SF3B1: variants seen among roughly 807,000 people sequenced by gnomAD.
SF3B1 encodes the protein splicing factor 3b subunit 1, also known as pre-mRNA processing 10.
SF3B1 carries 12 observed loss-of-function variants against 153.8 expected under a neutral mutation model. The ratio of observed to expected loss-of-function variants is 0.08; its 90% CI spans 0.05 to 0.13. The LOEUF (loss-of-function observed/expected upper bound fraction) is 0.13, where lower values mean the gene tolerates loss of function less well. SF3B1 is among the 10% of genes least tolerant of loss of function. The pLI is 1.00. For synonymous variants in SF3B1, 498 were observed against 525.2 expected (o/e 0.95, Z 0.71); for missense variants, 513 against 1,606.1 (o/e 0.32, Z 11.63).
At chr2:197,392,923 T>C (rs1445639700) in intron 24 of SF3B1, 49 bp downstream of exon 24, 2 of 1,038,948 alleles carry the variant, frequency 1.9e-6, no homozygotes, top group African/African-American at 2.3e-5. Flanking sequence ...ACTTAAAGTA[T>C]TATTTAAAAA....
rs759163162 is a variant in SF3B1 at position 197,416,711 on chromosome 2, C to T, written c.666+30G>A. 4 of 1,587,676 alleles carry T rather than the reference C, an allele frequency of 2.5e-6. No individual in the cohort carries two copies. The Admixed American group carries it at 5.6e-5, about 22-fold the overall frequency. On this transcript the variant is annotated intron_variant, in intron 6 of 24. Transcript: ENST00000335508. ...TCCATAACAGAAAAAAATTTTTTAA[C>T]AGTAATAACAAAAAACAAAAAGAAA...
chr2:197,398,466 A>G lies in SF3B1; in HGVS notation c.3129T>C (p.Ala1043=). The part of the protein sequence containing the change: ...ENCIDLVGRI[A]DRGAEYVSAR... ...TGTGTGGGTAATCTGCTTACCTGTC[A>G]GCAATACGACCAACAAGATCAATAC... Residue 1043 remains alanine (A), a synonymous_variant, in exon 21 of 25, where the codon GCT becomes GCC. Coordinates refer to ENST00000335508, the MANE Select transcript of SF3B1 (RefSeq NM_012433.4). 1 of 1,613,644 alleles carries G rather than the reference A, an allele frequency of 6.2e-7. No individual in the cohort carries two copies. Among genetic ancestry groups the G allele is most frequent in the African/African-American group, 1.3e-5 (1 of 75,006 alleles).
intron 6 of SF3B1, among the ~76,000 whole-genome samples, chr2:197,413,983 T>C (rs1466447752): frequency 6.6e-6 from 1 of 152,026 alleles, no homozygotes; most frequent in Non-Finnish European, 1.5e-5. Context: ...ATTTTTGTAT[T>C]TTAACTAGAG....
chr2:197,423,114 C>G (rs536591506), intron 2 of SF3B1, among the ~76,000 whole-genome samples: 118 of 152,180 alleles, frequency 7.8e-4, no homozygotes, highest in Non-Finnish European at 1.4e-3. Context: ...AGGCTGGGCG[C>G]AGTGGCTCAA....
chr2:197,414,641 T>C (rs184388678), intron 6 of SF3B1, among the ~76,000 whole-genome samples: 19 of 152,326 alleles, frequency 1.2e-4, no homozygotes, highest in Admixed American at 7.2e-4. Context: ...TTAGGTGGAA[T>C]AGACTAGAAC....
chr2:197,432,082 C>T (rs1195463585), intron 1 of SF3B1, among the ~76,000 whole-genome samples: 1 of 152,126 alleles, frequency 6.6e-6, no homozygotes, highest in Non-Finnish European at 1.5e-5. Flanking sequence ...TATGATCACG[C>T]CACTGCACTC....
intron 5 of SF3B1, among the ~76,000 whole-genome samples, chr2:197,418,145 A>C (rs1367776063): frequency 6.7e-6 from 1 of 148,562 alleles, no homozygotes; most frequent in African/African-American, 2.5e-5. Flanking sequence ...CTGAAGTGGG[A>C]GGATAACTTG....
At chr2:197,416,646 T>A in intron 6 of SF3B1, 95 bp downstream of exon 6, 1 of 1,048,376 alleles carries the variant, frequency 9.5e-7, no homozygotes. Context: ...GCACCCAGTC[T>A]GTGGTATCTT....
chr2:197,410,672 A>G (rs1426672703), intron 6 of SF3B1, among the ~76,000 whole-genome samples: 1 of 151,092 alleles, frequency 6.6e-6, no homozygotes, highest in Non-Finnish European at 1.5e-5. Context: ...CGCCGGGCTA[A>G]TTTTTGTATT....
At chr2:197,419,749 T>C (rs2085209941) in intron 4 of SF3B1, 1 of 222,438 alleles carries the variant, frequency 4.5e-6, no homozygotes, top group Non-Finnish European at 9.0e-6. Context: ...CCCTACTAAT[T>C]CATGCAGGCT....
At chr2:197,414,114 G>A (rs1460095004) in intron 6 of SF3B1, among the ~76,000 whole-genome samples, 1 of 152,066 alleles carries the variant, frequency 6.6e-6, no homozygotes, top group East Asian at 1.9e-4. Flanking sequence ...AGCCCTTAAT[G>A]TTTTGCTTGA....
intron 9 of SF3B1, among the ~76,000 whole-genome samples, chr2:197,406,198 G>GT (rs1421302190): frequency 6.7e-6 from 1 of 150,194 alleles, no homozygotes; most frequent in Non-Finnish European, 1.5e-5. Context: ...GAGCCCAGGA[G>GT]TTTGAGACCA....
intron 9 of SF3B1, 172 bp downstream of exon 9, chr2:197,407,826 T>C: frequency 1.8e-6 from 1 of 545,642 alleles, no homozygotes; most frequent in Non-Finnish European, 3.2e-6. Flanking sequence ...AGTTTCATGT[T>C]GTTCATTTCT....
Position 197,400,967 on chromosome 2 carries a change from T to G in SF3B1, c.2497-31A>C. ...AAGAACAGAAAAACAAAAAACCTTTTAGACTGCTTTTCCAAGGAAATAAAG... is the reference window on the plus strand; with the variant it reads ...AAGAACAGAAAAACAAAAAACCTTTGAGACTGCTTTTCCAAGGAAATAAAG... On this transcript the variant is annotated intron_variant, in intron 17 of 24. Transcript: ENST00000335508. This position sits in a 1 kb window ranked among gnomAD's most constrained non-coding sequence, Gnocchi z 5.0. The G allele has an allele frequency of 7.2e-7, 1 of 1,398,252 alleles. No individual in the cohort carries two copies. Among genetic ancestry groups the G allele is most frequent in the Non-Finnish European group, 1.0e-6 (1 of 998,014 alleles). 86.6% of individuals were successfully genotyped at this position (1,398,252 alleles called of 1,614,324 possible). A position where few individuals can be genotyped will look rare whatever the true frequency, so the allele number is the denominator to read the frequency against.
At chr2:197,430,024 C>T (rs553836053) in intron 1 of SF3B1, among the ~76,000 whole-genome samples, 1 of 151,768 alleles carries the variant, frequency 6.6e-6, no homozygotes, top group Non-Finnish European at 1.5e-5. Flanking sequence ...AAATGAAGTG[C>T]AAGGAAAAAG....
Position 197,401,067 on chromosome 2 carries a change from T to C in SF3B1, c.2497-131A>G, listed in dbSNP as rs1298145849. 2 of 639,970 alleles carry C rather than the reference T, an allele frequency of 3.1e-6. No homozygotes were observed. The highest frequency in any genetic ancestry group is 5.3e-6 in the Non-Finnish European group (2 of 374,054). 39.6% of individuals were successfully genotyped at this position (639,970 alleles called of 1,614,324 possible). A position where few individuals can be genotyped will look rare whatever the true frequency, so the allele number is the denominator to read the frequency against. On this transcript the variant is annotated intron_variant, in intron 17 of 24. Transcript: ENST00000335508. This position sits in a 1 kb window ranked among gnomAD's most constrained non-coding sequence, Gnocchi z 4.2. Reference sequence around the variant, plus strand: ...AAACATGGTAAGAATGATTCATTGCTACTTATTAAAGTTGAAGAGAAAAGT... The same window carrying C: ...AAACATGGTAAGAATGATTCATTGCCACTTATTAAAGTTGAAGAGAAAAGT...
intron 10 of SF3B1, 28 bp from the exon 11 acceptor site, chr2:197,405,205 G>T (rs370699873): frequency 3.8e-6 from 6 of 1,598,330 alleles, no homozygotes; most frequent in Non-Finnish European, 2.6e-6. Flanking sequence ...AAATGTTAAG[G>T]GAAGTTGAAA....
At chr2:197,395,967 G>A (rs2105977326) in intron 23 of SF3B1, 89 bp downstream of exon 23, 2 of 1,203,038 alleles carry the variant, frequency 1.7e-6, no homozygotes, top group Non-Finnish European at 2.4e-6. Context: ...CTATGTTACA[G>A]TAAAAAGTCA....
intron 6 of SF3B1, 69 bp from the exon 7 acceptor site, chr2:197,410,076 A>C: frequency 8.9e-7 from 1 of 1,123,964 alleles, no homozygotes; most frequent in Non-Finnish European, 1.3e-6. Context: ...CCATAAAATA[A>C]AAAACTTTAA....
Sources: allele counts gnomAD v4.1 joint callset (sites outside exome capture counted in the v4.1 genomes callset), GRCh38; gene constraint gnomAD v4.1.1; non-coding constraint Gnocchi (gnomAD v3.1); transcripts MANE v1.5; gene names NCBI Gene and HGNC (gene_info 2026-07-23, HGNC 2026-07-21).